ASIC2: variants seen among roughly 807,000 people sequenced by gnomAD.
ASIC2 encodes the protein acid sensing ion channel subunit 2, also known as acid-sensing ion channel 2.
ASIC2 carries 25 observed loss-of-function variants against 57.3 expected under a neutral mutation model. The ratio of observed to expected loss-of-function variants is 0.44; its 90% CI spans 0.32 to 0.61. The LOEUF (loss-of-function observed/expected upper bound fraction) is 0.61. ASIC2 is among the 20% of genes least tolerant of loss of function. The pLI, the probability that ASIC2 is intolerant of heterozygous loss-of-function variation, is 0.06. For missense variants in ASIC2, 641 were observed against 738.1 expected (o/e 0.87, Z 1.52); for synonymous variants, 319 against 307.5 (o/e 1.04, Z -0.39).
At chr17:34,097,082 T>C (rs1028546100) in intron 1 of ASIC2, among the ~76,000 whole-genome samples, 1 of 152,082 alleles carries the variant, frequency 6.6e-6, no homozygotes, top group South Asian at 2.1e-4. Flanking sequence ...GGAAGGACTT[T>C]AGAGAGAAGG....
intron 1 of ASIC2, among the ~76,000 whole-genome samples, chr17:33,873,640 T>A (rs993111501): frequency 4.6e-5 from 7 of 152,326 alleles, no homozygotes; most frequent in African/African-American, 1.7e-4. Context: ...AAAGAATTGT[T>A]GTAAAGATTA....
chr17:33,825,183 C>A (rs775649372), intron 1 of ASIC2, among the ~76,000 whole-genome samples: 1 of 152,184 alleles, frequency 6.6e-6, no homozygotes, highest in Non-Finnish European at 1.5e-5. Context: ...GCCTCCTTCC[C>A]TCTAAAGTGT....
chr17:33,350,531 T>C lies in ASIC2; in HGVS notation c.556-238464A>G, dbSNP rs537177036. Among the ~76,000 whole-genome samples, 25 of 151,978 alleles carry C rather than the reference T, an allele frequency of 1.6e-4. No homozygotes were observed. The East Asian group carries it at 4.1e-3, about 25-fold the overall frequency. On this transcript the variant is annotated intron_variant, in intron 1 of 9. Transcript: ENST00000359872. ...CCCGTCTCTACTAAAAATACAAAAATTAGCTGGGCGTCGTGGTGTGCGCAC... is the reference window on the plus strand; with the variant it reads ...CCCGTCTCTACTAAAAATACAAAAACTAGCTGGGCGTCGTGGTGTGCGCAC...
At chr17:33,987,298 G>T (rs931447514) in intron 1 of ASIC2, among the ~76,000 whole-genome samples, 2 of 152,132 alleles carry the variant, frequency 1.3e-5, no homozygotes, top group Non-Finnish European at 2.9e-5. Context: ...CCTCTTAGGT[G>T]CACCCAGTGC....
At chr17:33,872,917 C>T (rs144103229) in intron 1 of ASIC2, among the ~76,000 whole-genome samples, 111 of 152,228 alleles carry the variant, frequency 7.3e-4, no homozygotes, top group African/African-American at 2.6e-3. Context: ...AGGAGGGTTC[C>T]ACAAGCCTGG....
intron 1 of ASIC2, among the ~76,000 whole-genome samples, chr17:33,334,304 G>A (rs2142229354): frequency 6.6e-6 from 1 of 152,320 alleles, no homozygotes; most frequent in Middle Eastern, 3.4e-3. Flanking sequence ...GCTCAGAGAG[G>A]TTAAGAAAGT....
intron 1 of ASIC2, among the ~76,000 whole-genome samples, chr17:33,952,521 T>C (rs151318860): frequency 1.2e-4 from 18 of 152,332 alleles, no homozygotes; most frequent in African/African-American, 3.4e-4. Flanking sequence ...ATTCACATCA[T>C]GCATTAAAGA....
At chr17:33,233,538 AC>A (rs1908186027) in intron 1 of ASIC2, among the ~76,000 whole-genome samples, 1 of 151,846 alleles carries the variant, frequency 6.6e-6, no homozygotes, top group African/African-American at 2.4e-5. Context: ...ACACACACAC[AC>A]ACACACACAC....
At chr17:33,770,771 G>A (rs914871355) in intron 1 of ASIC2, among the ~76,000 whole-genome samples, 1 of 152,148 alleles carries the variant, frequency 6.6e-6, no homozygotes, top group Non-Finnish European at 1.5e-5. Flanking sequence ...ATGCTTTTCA[G>A]ATTGAAACCT....
At chr17:34,033,511 G>A (rs1321698715) in intron 1 of ASIC2, among the ~76,000 whole-genome samples, 1 of 152,066 alleles carries the variant, frequency 6.6e-6, no homozygotes, top group Non-Finnish European at 1.5e-5. Context: ...AAATAACTAA[G>A]ATCAGAGCAG....
At chr17:33,475,759 C>A (rs9901123) in intron 1 of ASIC2, among the ~76,000 whole-genome samples, 1 of 152,030 alleles carries the variant, frequency 6.6e-6, no homozygotes, top group Non-Finnish European at 1.5e-5. Context: ...GGAAAGCAAG[C>A]GGCCTTATCT....
intron 1 of ASIC2, among the ~76,000 whole-genome samples, chr17:33,801,781 A>G (rs918708212): frequency 1.3e-5 from 2 of 152,196 alleles, no homozygotes; most frequent in Non-Finnish European, 2.9e-5. Flanking sequence ...TAGATTGATT[A>G]AAAGTAAGTA....
At chr17:34,044,763 T>A (rs1013844254) in intron 1 of ASIC2, among the ~76,000 whole-genome samples, 2 of 152,184 alleles carry the variant, frequency 1.3e-5, no homozygotes, top group Non-Finnish European at 2.9e-5. Context: ...GGTTGGAGAC[T>A]TTCCAGCAGG....
At chr17:33,883,528 G>A (rs1727266350) in intron 1 of ASIC2, among the ~76,000 whole-genome samples, 1 of 152,174 alleles carries the variant, frequency 6.6e-6, no homozygotes, top group African/African-American at 2.4e-5. Flanking sequence ...CCCCTAAGCA[G>A]CCTCATCTAG....
chr17:33,425,691 T>C (rs1414993504), intron 1 of ASIC2, among the ~76,000 whole-genome samples: 1 of 152,100 alleles, frequency 6.6e-6, no homozygotes, highest in Non-Finnish European at 1.5e-5. Flanking sequence ...GAAACATAAA[T>C]TATCTGTCTG....
chr17:33,934,002 G>A (rs1332565907), intron 1 of ASIC2, among the ~76,000 whole-genome samples: 3 of 152,190 alleles, frequency 2.0e-5, no homozygotes. Flanking sequence ...TGATTCTTTC[G>A]GGTCAGCAGC....
At chr17:33,431,532 G>C (rs1911419579) in intron 1 of ASIC2, among the ~76,000 whole-genome samples, 1 of 152,178 alleles carries the variant, frequency 6.6e-6, no homozygotes, top group Non-Finnish European at 1.5e-5. Context: ...TTGAACCTGG[G>C]AGGCGGAGGT....
At chr17:34,088,235 CTGTT>C (rs1436010086) in intron 1 of ASIC2, among the ~76,000 whole-genome samples, 1 of 152,170 alleles carries the variant, frequency 6.6e-6, no homozygotes, top group African/African-American at 2.4e-5. Context: ...GATGTCCTTT[CTGTT>C]TGTTAGTTTT....
intron 1 of ASIC2, among the ~76,000 whole-genome samples, chr17:34,141,231 G>A (rs556497774): frequency 6.6e-6 from 1 of 152,234 alleles, no homozygotes; most frequent in South Asian, 2.1e-4. Context: ...ACAGAGTAAG[G>A]GGAACCTTGA....
Sources: gnomAD v4.1 joint callset for allele counts (sites outside exome capture counted in the v4.1 genomes callset) on GRCh38, gnomAD v4.1.1 for gene constraint, MANE v1.5 for transcripts, NCBI Gene and HGNC (gene_info 2026-07-23, HGNC 2026-07-21) for gene names.